The following RPS6KA5 variants were observed in gnomAD, a reference collection of about 807,000 sequenced individuals.
RPS6KA5 encodes the protein ribosomal protein S6 kinase alpha-5.
Under a neutral mutation model 85.5 loss-of-function variants are expected in RPS6KA5, and 27 were observed. That is an observed-to-expected ratio of 0.32 (90% CI 0.23 to 0.44). The LOEUF is 0.44. RPS6KA5 is among the 20% of genes least tolerant of loss of function. The pLI is 1.00. For synonymous variants in RPS6KA5, 334 were observed against 348.2 expected (o/e 0.96, Z 0.46); for missense variants, 811 against 980.9 (o/e 0.83, Z 2.31).
At chr14:91,037,022 G>C (rs1184035250) in intron 1 of RPS6KA5, among the ~76,000 whole-genome samples, 1 of 152,202 alleles carries the variant, frequency 6.6e-6, no homozygotes, top group African/African-American at 2.4e-5. Flanking sequence ...GCTTAAGAGA[G>C]AGCTAACAGA....
At chr14:90,901,246 A>C (rs969528422) in intron 9 of RPS6KA5, among the ~76,000 whole-genome samples, 5 of 152,110 alleles carry the variant, frequency 3.3e-5, no homozygotes, top group African/African-American at 1.2e-4. Context: ...CTGGGATTAT[A>C]GGCACATGCC....
At chr14:91,057,925 T>C (rs2043390238) in intron 1 of RPS6KA5, among the ~76,000 whole-genome samples, 1 of 152,230 alleles carries the variant, frequency 6.6e-6, no homozygotes, top group South Asian at 2.1e-4. Context: ...GGATTTAGAA[T>C]CATGTCTTCC....
chr14:90,859,083 C>T lies in RPS6KA5; in HGVS notation c.*12991G>A, dbSNP rs761199305. The T allele has an allele frequency of 1.3e-5, 2 of 152,062 alleles. No individual in the cohort carries two copies. Among genetic ancestry groups the T allele is most frequent in the Non-Finnish European group, 2.9e-5 (2 of 68,048 alleles). 9.4% of individuals were successfully genotyped at this position (152,062 alleles called of 1,614,324 possible). On this transcript the variant is annotated 3_prime_UTR_variant, in exon 17 of 17. Coordinates refer to ENST00000614987, the MANE Select transcript of RPS6KA5 (RefSeq NM_004755.4). ...GGGAAAGGTTGGAATTCAAGGTCAC[C>T]GAGGTGAAGTGGCCCTGATAAACAC... is the stretch of plus-strand genomic sequence containing the variant.
chr14:91,001,203 T>TA (rs762677287), intron 1 of RPS6KA5, 44 bp from the exon 2 acceptor site: 21 of 1,265,188 alleles, frequency 1.7e-5, no homozygotes, highest in Non-Finnish European at 1.4e-5. Context: ...GGGTCAGCAA[T>TA]AGAAGGAGGC....
In RPS6KA5 at chr14:90,866,935, G is replaced by A. The variant is rs1392684939; in HGVS notation, c.*5139C>T. The A allele has an allele frequency of 6.6e-6, 1 of 152,206 alleles. No homozygotes were observed. The highest frequency in any genetic ancestry group is 1.5e-5 in the Non-Finnish European group (1 of 68,030). 9.4% of individuals were successfully genotyped at this position (152,206 alleles called of 1,614,324 possible). The stretch of plus-strand genomic sequence containing the variant: ...TTTCAGCAAATAGGATAGCAGTATA[G>A]TACCTAAAATAAACTATTAGGAATA... On this transcript the variant is annotated 3_prime_UTR_variant, in exon 17 of 17. Transcript: ENST00000614987.
chr14:90,962,711 A>G (rs139793891), intron 3 of RPS6KA5, among the ~76,000 whole-genome samples: 19 of 152,280 alleles, frequency 1.2e-4, no homozygotes, highest in African/African-American at 4.6e-4. Context: ...TTTTGGCACG[A>G]TTCCAAAATT....
intron 3 of RPS6KA5, among the ~76,000 whole-genome samples, chr14:90,952,113 C>T (rs1286105): frequency 0.63 from 96,461 of 152,104 alleles, 32,302 homozygotes; most frequent in East Asian, 0.87. Context: ...GCATTGCCAC[C>T]GCCGCTCCTC....
chr14:91,004,980 A>C (rs904703005), intron 1 of RPS6KA5, among the ~76,000 whole-genome samples: 3 of 149,226 alleles, frequency 2.0e-5, no homozygotes, highest in African/African-American at 2.5e-5. Context: ...AAAAAAAAAA[A>C]CAAAAAAACA....
At chr14:90,951,419 G>C (rs1202969362) in intron 3 of RPS6KA5, among the ~76,000 whole-genome samples, 1 of 150,048 alleles carries the variant, frequency 6.7e-6, no homozygotes, top group Non-Finnish European at 1.5e-5. Context: ...CTGGGAGGTG[G>C]AGCTTGCAGT....
chr14:90,964,630 G>A (rs547513208), intron 3 of RPS6KA5, among the ~76,000 whole-genome samples: 1 of 152,026 alleles, frequency 6.6e-6, no homozygotes, highest in Non-Finnish European at 1.5e-5. Flanking sequence ...TTTGATTGCT[G>A]AGGCTGCATG....
At chr14:90,909,951 T>C (rs2035711070) in intron 7 of RPS6KA5, among the ~76,000 whole-genome samples, 1 of 152,130 alleles carries the variant, frequency 6.6e-6, no homozygotes, top group Non-Finnish European at 1.5e-5. Context: ...AATTTTTGTA[T>C]TTTCAGTAGA....
chr14:90,968,053 C>T (rs1020309476), intron 3 of RPS6KA5, among the ~76,000 whole-genome samples: 7 of 152,154 alleles, frequency 4.6e-5, no homozygotes, highest in African/African-American at 1.4e-4. Flanking sequence ...TTTGTACACT[C>T]GAAGTCTGAC....
intron 13 of RPS6KA5, 151 bp downstream of exon 13, chr14:90,894,262 A>G: frequency 2.4e-6 from 3 of 1,261,066 alleles, no homozygotes; most frequent in Admixed American, 7.8e-5. Flanking sequence ...ATAAAAGAAA[A>G]AACATCAAAG....
At position 90,938,895 on chromosome 14, in the gene RPS6KA5, G is replaced by C. The variant is rs118064616; in HGVS notation, c.618+4183C>G. ...ATGCCCTGAGCCATTTTCCCCACTT[G>C]TTATAGTGATTAACATCCAGCTCCT... On this transcript the variant is annotated intron_variant, in intron 5 of 16. Coordinates refer to ENST00000614987, the MANE Select transcript of RPS6KA5 (RefSeq NM_004755.4). Among the ~76,000 whole-genome samples the C allele has an allele frequency of 3.2e-3, 490 of 152,240 alleles. 1 individual carries two copies. Among genetic ancestry groups the C allele is most frequent in the Non-Finnish European group, 4.9e-3 (334 of 68,012 alleles).
chr14:90,892,165 AC>A (rs1434964238), intron 13 of RPS6KA5, among the ~76,000 whole-genome samples: 3 of 151,742 alleles, frequency 2.0e-5, no homozygotes, highest in Non-Finnish European at 4.4e-5. Context: ...TGCCTGGCTA[AC>A]TTTTTTTGTA....
rs2033015050 is a variant in RPS6KA5 at position 90,870,265 on chromosome 14, A to T, written c.*1809T>A. The T allele has an allele frequency of 6.6e-6, 1 of 152,178 alleles. No individual in the cohort carries two copies. Among genetic ancestry groups the T allele is most frequent in the Non-Finnish European group, 1.5e-5 (1 of 68,016 alleles). 9.4% of individuals were successfully genotyped at this position (152,178 alleles called of 1,614,324 possible). A position where few individuals can be genotyped will look rare whatever the true frequency, so the allele number is the denominator to read the frequency against. On this transcript the variant is annotated 3_prime_UTR_variant, in exon 17 of 17. Transcript: ENST00000614987. The stretch of plus-strand genomic sequence containing the variant: ...TTACTAGAGATCTGTGCCTGATGGA[A>T]TCACATTTTGTGAATTAGCAATAGT...
chr14:90,956,541 A>G (rs2038521345), intron 3 of RPS6KA5, among the ~76,000 whole-genome samples: 1 of 151,702 alleles, frequency 6.6e-6, no homozygotes, highest in African/African-American at 2.4e-5. Context: ...CTGCAATTTT[A>G]CTTTTTTGTT....
intron 5 of RPS6KA5, among the ~76,000 whole-genome samples, chr14:90,938,756 C>A (rs1000666030): frequency 6.6e-6 from 1 of 152,180 alleles, no homozygotes; most frequent in Non-Finnish European, 1.5e-5. Flanking sequence ...AAGCAGGGCA[C>A]CAAGTCCCTA....
chr14:91,034,261 C>T (rs2042307027), intron 1 of RPS6KA5, among the ~76,000 whole-genome samples: 1 of 150,100 alleles, frequency 6.7e-6, no homozygotes, highest in Non-Finnish European at 1.5e-5. Flanking sequence ...GCCAGGATCA[C>T]ACCATTGCAC....
Sources: allele counts gnomAD v4.1 joint callset (sites outside exome capture counted in the v4.1 genomes callset), GRCh38; gene constraint gnomAD v4.1.1; transcripts MANE v1.5; gene names NCBI Gene and HGNC (gene_info 2026-07-23, HGNC 2026-07-21).